Variants in ALKBH1 observed in about 807,000 individuals in gnomAD.
The protein encoded by ALKBH1 is alkB homolog 1, histone H2A dioxygenase.
ALKBH1 carries 31 observed loss-of-function variants against 36.6 expected under a neutral mutation model. The observed-to-expected ratio is 0.85, with a 90% confidence interval of 0.64 to 1.14. The LOEUF is 1.14. ALKBH1 is among the 50% of genes most tolerant of loss of function. The pLI, the probability that ALKBH1 is intolerant of heterozygous loss-of-function variation, is 0.00. For missense variants in ALKBH1, 490 were observed against 497.3 expected (o/e 0.99, Z 0.14); for synonymous variants, 183 against 186.6 (o/e 0.98, Z 0.16).
chr14:77,706,630 C>A (rs1163120154), intron 1 of ALKBH1, among the ~76,000 whole-genome samples: 2 of 152,264 alleles, frequency 1.3e-5, no homozygotes, highest in Middle Eastern at 3.4e-3. Flanking sequence ...CTGTACTAGA[C>A]ACATAATGGC....
intron 2 of ALKBH1, among the ~76,000 whole-genome samples, chr14:77,698,439 C>T (rs1294493731): frequency 6.6e-6 from 1 of 152,150 alleles, no homozygotes; most frequent in Non-Finnish European, 1.5e-5. Flanking sequence ...GCCTGAGGGA[C>T]TCAGTTTTCC....
chr14:77,703,864 C>G (rs1256939421), intron 2 of ALKBH1, among the ~76,000 whole-genome samples: 1 of 151,986 alleles, frequency 6.6e-6, no homozygotes, highest in Non-Finnish European at 1.5e-5. Context: ...TCTCAAAGTT[C>G]TGGGATTACA....
intron 3 of ALKBH1, among the ~76,000 whole-genome samples, chr14:77,681,593 A>G (rs1408913179): frequency 1.3e-5 from 2 of 152,196 alleles, no homozygotes; most frequent in African/African-American, 4.8e-5. Flanking sequence ...ACACACACTG[A>G]TTTATTTAGG....
chr14:77,699,021 C>T (rs58157110), intron 2 of ALKBH1, among the ~76,000 whole-genome samples: 7,435 of 152,310 alleles, frequency 0.049, 324 homozygotes, highest in African/African-American at 0.12. Context: ...GATCTGCCCG[C>T]CTCGGCCTCC....
intron 3 of ALKBH1, among the ~76,000 whole-genome samples, chr14:77,688,472 T>C (rs2080280173): frequency 6.6e-6 from 1 of 151,916 alleles, no homozygotes; most frequent in East Asian, 1.9e-4. Flanking sequence ...GCCAGGATGG[T>C]CTTGATCTCT....
Position 77,673,899 on chromosome 14 carries a change from T to A in ALKBH1, c.1083A>T (p.Glu361Asp). The A allele has an allele frequency of 1.2e-6, 2 of 1,614,238 alleles. No individual in the cohort carries two copies. The highest frequency in any genetic ancestry group is 1.7e-6 in the Non-Finnish European group (2 of 1,180,038). The change falls in exon 6 of 6, where the codon GAA (glutamate) becomes GAT (aspartate). Residue 361 changes from glutamate to aspartate, a missense_variant. Physicochemically the swap from Glu to Asp is conservative, Grantham distance 45 (BLOSUM62 2). Coordinates refer to ENST00000216489, the MANE Select transcript of ALKBH1 (RefSeq NM_006020.3). ...QNFPLEPIEDEKRDISTEGFC... is the reference protein window; with the variant it reads ...QNFPLEPIEDDKRDISTEGFC... ...AACCTTCTGTACTGATGTCTCTTTTTTCATCCTCGATGGGTTCTAGAGGGA... is the reference window on the plus strand; with the variant it reads ...AACCTTCTGTACTGATGTCTCTTTTATCATCCTCGATGGGTTCTAGAGGGA...
intron 3 of ALKBH1, chr14:77,683,453 C>T: frequency 2.7e-6 from 2 of 739,796 alleles, no homozygotes; most frequent in South Asian, 1.4e-5. Context: ...TACTTGTTCA[C>T]AACAATGCTA....
intron 1 of ALKBH1, among the ~76,000 whole-genome samples, chr14:77,707,602 A>G (rs189178544): frequency 6.6e-6 from 1 of 152,246 alleles, no homozygotes; most frequent in East Asian, 1.9e-4. Context: ...CTTTTGACTG[A>G]GCGCCCCCGC....
intron 3 of ALKBH1, chr14:77,691,857 A>C (rs2080298771): frequency 6.6e-6 from 1 of 152,216 alleles, no homozygotes; most frequent in African/African-American, 2.4e-5. Flanking sequence ...GTTTAATAGC[A>C]GTAGGTTCTC....
chr14:77,691,516 T>G (rs1196433102), intron 3 of ALKBH1, among the ~76,000 whole-genome samples: 1 of 152,188 alleles, frequency 6.6e-6, no homozygotes, highest in African/African-American at 2.4e-5. Context: ...TTACCTTGAA[T>G]GGCTTATCCA....
intron 1 of ALKBH1, among the ~76,000 whole-genome samples, chr14:77,705,352 A>G (rs1430110153): frequency 6.7e-6 from 1 of 148,296 alleles, no homozygotes; most frequent in South Asian, 2.2e-4. Context: ...TGAAAGTTGC[A>G]GTGAGCTGAG....
At chr14:77,690,740 T>C (rs868644797) in intron 3 of ALKBH1, among the ~76,000 whole-genome samples, 1 of 150,512 alleles carries the variant, frequency 6.6e-6, no homozygotes, top group Middle Eastern at 3.4e-3. Context: ...GATGAACTCT[T>C]AGGCTGTTTT....
intron 3 of ALKBH1, among the ~76,000 whole-genome samples, chr14:77,692,810 AT>A (rs1008090970): frequency 6.6e-6 from 1 of 151,486 alleles, no homozygotes; most frequent in African/African-American, 2.4e-5. Flanking sequence ...TTATTTATTT[AT>A]TTATTTATTT....
Position 77,707,941 on chromosome 14 carries a change from C to T in ALKBH1, c.64G>A (p.Ala22Thr). ...TAGAAGCGGAAAAGTTTCCGAAAGGCGTCCTCCCCGGGCTCAGTCGCCAGA... is the reference window on the plus strand; with the variant it reads ...TAGAAGCGGAAAAGTTTCCGAAAGGTGTCCTCCCCGGGCTCAGTCGCCAGA... Reference protein sequence around the residue: ...ATLATEPGEDAFRKLFRFYRQ... With the variant: ...ATLATEPGEDTFRKLFRFYRQ... Residue 22 changes from alanine (A) to threonine (T), a missense_variant, in exon 1 of 6, where the codon GCC (alanine) becomes ACC (threonine). Coordinates refer to ENST00000216489, the MANE Select transcript of ALKBH1 (RefSeq NM_006020.3). 6.2e-7 allele frequency: 1 copy of T among 1,613,244 alleles called. No individual in the cohort carries two copies. The highest frequency in any genetic ancestry group is 1.7e-5 in the Admixed American group (1 of 60,014).
chr14:77,686,377 G>T (rs753292035), intron 3 of ALKBH1, among the ~76,000 whole-genome samples: 1 of 152,152 alleles, frequency 6.6e-6, no homozygotes, highest in African/African-American at 2.4e-5. Flanking sequence ...CAGGAAATAC[G>T]TTGGCACCTA....
At chr14:77,698,849 A>G (rs2080343339) in intron 2 of ALKBH1, among the ~76,000 whole-genome samples, 1 of 152,226 alleles carries the variant, frequency 6.6e-6, no homozygotes, top group Non-Finnish European at 1.5e-5. Flanking sequence ...CCCTGGTTCA[A>G]GCGATTCTTC....
chr14:77,686,651 G>A (rs748090522), intron 3 of ALKBH1, among the ~76,000 whole-genome samples: 2 of 152,148 alleles, frequency 1.3e-5, no homozygotes, highest in Non-Finnish European at 2.9e-5. Context: ...TTGAGACAGA[G>A]TCTCGTTTTG....
chr14:77,701,440 C>A lies in ALKBH1; in HGVS notation c.292+2929G>T, dbSNP rs80079793. ...AGGTAACCTGGCACCAGAACCTACG[C>A]CTTAACCACTGGTGTGCACTGCTTC... On this transcript the variant is annotated intron_variant, in intron 2 of 5. Transcript: ENST00000216489. Among the ~76,000 whole-genome samples, 112 of 152,254 alleles carry A rather than the reference C, an allele frequency of 7.4e-4. 1 individual carries two copies. The highest frequency in any genetic ancestry group is 1.5e-3 in the Admixed American group (23 of 15,284).
chr14:77,676,378 T>C (rs1204722908), intron 4 of ALKBH1, among the ~76,000 whole-genome samples: 1 of 152,150 alleles, frequency 6.6e-6, no homozygotes, highest in Admixed American at 6.5e-5. Flanking sequence ...ATATACTGCA[T>C]TGAGTCTATA....
Sources: gnomAD v4.1 joint callset for allele counts (sites outside exome capture counted in the v4.1 genomes callset) on GRCh38, gnomAD v4.1.1 for gene constraint, MANE v1.5 for transcripts, NCBI Gene and HGNC (gene_info 2026-07-23, HGNC 2026-07-21) for gene names.